The following PDE12 variants were observed in gnomAD, a reference collection of about 807,000 sequenced individuals.
PDE12 encodes 2',5'-phosphodiesterase 12.
A neutral mutation model predicts 45.4 loss-of-function variants in PDE12; 26 were observed. That is an observed-to-expected ratio of 0.57 (90% CI 0.42 to 0.79). The LOEUF (loss-of-function observed/expected upper bound fraction) is 0.79. Among genes scored for constraint, PDE12 ranks in the 30% least tolerant of loss-of-function variants. The pLI, the probability that PDE12 is intolerant of heterozygous loss-of-function variation, is 0.00. For missense variants in PDE12, 668 were observed against 790.0 expected (o/e 0.85, Z 1.85); for synonymous variants, 283 against 323.9 (o/e 0.87, Z 1.36).
rs1353724660 is a variant in PDE12 at position 57,556,561 on chromosome 3, A to G, written c.182A>G (p.Lys61Arg). 14 of 1,613,430 alleles carry G rather than the reference A, an allele frequency of 8.7e-6. No homozygotes were observed. The highest frequency in any genetic ancestry group is 1.3e-5 in the African/African-American group (1 of 74,956). Reference sequence around the variant, plus strand: ...TTCGCTTTGGCTGATGGTAGCCACAAGAACATGCAGCGCGACCAGAGCGAG... The same window carrying G: ...TTCGCTTTGGCTGATGGTAGCCACAGGAACATGCAGCGCGACCAGAGCGAG... The part of the protein sequence containing the change: ...LSFALADGSH[K>R]NMQRDQSEPL... The change falls in exon 1 of 3, where the codon AAG (lysine) becomes AGG (arginine). Residue 61 changes from lysine to arginine, a missense_variant. Coordinates refer to ENST00000311180, the MANE Select transcript of PDE12 (RefSeq NM_177966.7). This position sits in a 1 kb window ranked among gnomAD's most constrained non-coding sequence, Gnocchi z 5.0.
Position 57,563,390 on chromosome 3 carries a change from T to A in PDE12, c.*3386T>A, listed in dbSNP as rs2069747056. The A allele has an allele frequency of 6.6e-6, 1 of 152,190 alleles. No homozygotes were observed. The highest frequency in any genetic ancestry group is 2.4e-5 in the African/African-American group (1 of 41,454). The allele number at this position is 152,190 out of a possible 1,614,324, so 9.4% of individuals were successfully genotyped here. A position where few individuals can be genotyped will look rare whatever the true frequency, so the allele number is the denominator to read the frequency against. On this transcript the variant is annotated 3_prime_UTR_variant, in exon 3 of 3. Transcript: ENST00000311180. ...ATTATACTTTAAGTTCTAGTGTACA[T>A]GTGCCCAACGTGCAGATTTGTTACA...
At position 57,564,436 on chromosome 3, in the gene PDE12, G is replaced by C. The variant is rs1157341451; in HGVS notation, c.*4432G>C. The C allele has an allele frequency of 6.6e-6, 1 of 152,080 alleles. No individual in the cohort carries two copies. Among genetic ancestry groups the C allele is most frequent in the Non-Finnish European group, 1.5e-5 (1 of 68,008 alleles). The allele number at this position is 152,080 out of a possible 1,614,324, so 9.4% of individuals were successfully genotyped here. A position where few individuals can be genotyped will look rare whatever the true frequency, so the allele number is the denominator to read the frequency against. On this transcript the variant is annotated 3_prime_UTR_variant, in exon 3 of 3. Transcript: ENST00000311180. ...CTATCTTCTGTCCAATTTATGTAAT[G>C]AATGTATGTCAAAGCATTTATATAA... is the stretch of plus-strand genomic sequence containing the variant.
rs2069732696 is a variant in PDE12, at chr3:57,561,886, G to A, written c.*1882G>A. 2 of 985,030 alleles carry A rather than the reference G, an allele frequency of 2.0e-6. No homozygotes were observed. Among genetic ancestry groups the A allele is most frequent in the Non-Finnish European group, 2.4e-6 (2 of 829,754 alleles). 61.0% of individuals were successfully genotyped at this position (985,030 alleles called of 1,614,324 possible). A position where few individuals can be genotyped will look rare whatever the true frequency, so the allele number is the denominator to read the frequency against. ...TTGAAGTACTTTAAGTACTCCAAGG[G>A]GAAAATTAAAGTGGAAGTTTCTTCG... On this transcript the variant is annotated 3_prime_UTR_variant, in exon 3 of 3. Transcript: ENST00000311180.
chr3:57,649,576 A>C, the PDE12 span, among the ~76,000 whole-genome samples: 1 of 151,924 alleles, frequency 6.6e-6, no homozygotes, highest in Non-Finnish European at 1.5e-5. Context: ...ATAGCAGCAC[A>C]ATGCACAATT....
chr3:57,628,337 A>G, the PDE12 span: 5 of 1,613,844 alleles, frequency 3.1e-6, no homozygotes, highest in Non-Finnish European at 4.2e-6. Context: ...GCTCTCGATC[A>G]GCCTGCAACT....
At chr3:57,576,610 A>G in the PDE12 span, among the ~76,000 whole-genome samples, 2 of 151,344 alleles carry the variant, frequency 1.3e-5, no homozygotes, top group Non-Finnish European at 2.9e-5. Flanking sequence ...ATGGTTTTAC[A>G]AACTGCCCTC....
At position 57,561,847 on chromosome 3, in the gene PDE12, T is replaced by A. The variant is rs1224026482; in HGVS notation, c.*1843T>A. ...TGAAAATGAAGGGGTTTTATCTGCA[T>A]TTGACATTGAACCTTGAAGTACTTT... On this transcript the variant is annotated 3_prime_UTR_variant, in exon 3 of 3. Coordinates refer to ENST00000311180, the MANE Select transcript of PDE12 (RefSeq NM_177966.7). The A allele has an allele frequency of 9.1e-6, 9 of 985,204 alleles. No homozygotes were observed. The highest frequency in any genetic ancestry group is 2.4e-6 in the Non-Finnish European group (2 of 829,830). The allele number at this position is 985,204 out of a possible 1,614,324, so 61.0% of individuals were successfully genotyped here. A position where few individuals can be genotyped will look rare whatever the true frequency, so the allele number is the denominator to read the frequency against.
At chr3:57,568,726 T>C (rs142605029), downstream of PDE12, among the ~76,000 whole-genome samples, 107 of 151,954 alleles carry the variant, frequency 7.0e-4, no homozygotes, top group Admixed American at 2.4e-3. Context: ...TTTTTTATTT[T>C]CAATGGAGGG....
At chr3:57,596,035 T>C in the PDE12 span, among the ~76,000 whole-genome samples, 1 of 152,078 alleles carries the variant, frequency 6.6e-6, no homozygotes, top group African/African-American at 2.4e-5. Flanking sequence ...CGTTCAAAGT[T>C]AGAGGGGCTT....
chr3:57,616,805 C>T, the PDE12 span, among the ~76,000 whole-genome samples: 1 of 152,126 alleles, frequency 6.6e-6, no homozygotes, highest in Non-Finnish European at 1.5e-5. Context: ...AGGTGGATTG[C>T]CTGAGCTCAG....
chr3:57,624,479 G>A, the PDE12 span, among the ~76,000 whole-genome samples: 1 of 152,000 alleles, frequency 6.6e-6, no homozygotes, highest in Non-Finnish European at 1.5e-5. Flanking sequence ...TTTTTTTAGA[G>A]ATGGGGTCTC....
the PDE12 span, among the ~76,000 whole-genome samples, chr3:57,647,749 C>T: frequency 7.3e-5 from 11 of 151,154 alleles, no homozygotes; most frequent in African/African-American, 2.7e-4. Flanking sequence ...TGAGGCTTGA[C>T]CTGGTGTTGA....
chr3:57,639,623 C>T, the PDE12 span, among the ~76,000 whole-genome samples: 1 of 152,146 alleles, frequency 6.6e-6, no homozygotes, highest in Admixed American at 6.6e-5. Flanking sequence ...TCAGACAGAA[C>T]AGTAACAGAA....
chr3:57,641,569 A>C, the PDE12 span: 8 of 1,225,890 alleles, frequency 6.5e-6, no homozygotes, highest in African/African-American at 1.2e-4. Context: ...TGCCATCAAC[A>C]TAAAAAATAA....
At chr3:57,644,365 G>A in the PDE12 span, among the ~76,000 whole-genome samples, 1 of 151,900 alleles carries the variant, frequency 6.6e-6, no homozygotes, top group African/African-American at 2.4e-5. Context: ...GAGTCCAGTG[G>A]CACGATCTGA....
the PDE12 span, among the ~76,000 whole-genome samples, chr3:57,585,274 T>C: frequency 2.0e-5 from 3 of 152,330 alleles, no homozygotes; most frequent in South Asian, 6.2e-4. Flanking sequence ...AGAGTAAAAT[T>C]TGGGTAACAG....
At chr3:57,594,948 A>G in the PDE12 span, among the ~76,000 whole-genome samples, 1 of 152,206 alleles carries the variant, frequency 6.6e-6, no homozygotes, top group Admixed American at 6.5e-5. Context: ...GTTACCATAA[A>G]TGTCGATCTT....
chr3:57,602,030 C>T, the PDE12 span, among the ~76,000 whole-genome samples: 3,870 of 152,036 alleles, frequency 0.025, 161 homozygotes, highest in African/African-American at 0.088. Flanking sequence ...GCTGGGATTA[C>T]AGGTGTGAGC....
At chr3:57,613,728 G>T in the PDE12 span, among the ~76,000 whole-genome samples, 13 of 151,096 alleles carry the variant, frequency 8.6e-5, no homozygotes, top group East Asian at 2.4e-3. Flanking sequence ...GTGAAACCCC[G>T]TCTCTACTAA....
Sources: allele counts gnomAD v4.1 joint callset (sites outside exome capture counted in the v4.1 genomes callset), GRCh38; gene constraint gnomAD v4.1.1; non-coding constraint Gnocchi (gnomAD v3.1); transcripts MANE v1.5; gene names NCBI Gene and HGNC (gene_info 2026-07-23, HGNC 2026-07-21).